The following JAK1 variants were observed in gnomAD, a reference collection of about 807,000 sequenced individuals.
JAK1 encodes tyrosine-protein kinase JAK1.
Under a neutral mutation model 136.6 loss-of-function variants are expected in JAK1, and 16 were observed. That is an observed-to-expected ratio of 0.12 (90% CI 0.08 to 0.18). JAK1 has a LOEUF of 0.18. Among genes scored for constraint, JAK1 ranks in the 10% least tolerant of loss-of-function variants. The probability of loss-of-function intolerance (pLI) is 1.00; values close to 1 mark genes in which losing one functional copy is unlikely to be tolerated. For synonymous variants in JAK1, 492 were observed against 519.5 expected, an observed-to-expected ratio of 0.95 and a Z score of 0.72; for missense variants, 859 against 1,450.1, an observed-to-expected ratio of 0.59 and a Z score of 6.62.
intron 2 of JAK1, chr1:64,973,177 GAAAGAAAGAA>G (rs1223084876): frequency 1.6e-5 from 2 of 127,706 alleles, no homozygotes; most frequent in East Asian, 2.2e-4. Context: ...GAAAAAGAAA[GAAAGAAAGAA>G]AAAGAAAGAA....
chr1:65,017,239 C>T (rs1646898657), intron 2 of JAK1, among the ~76,000 whole-genome samples: 1 of 152,104 alleles, frequency 6.6e-6, no homozygotes, highest in South Asian at 2.1e-4. Flanking sequence ...GCCTCCGAGG[C>T]AGGTGAACCA....
intron 2 of JAK1, among the ~76,000 whole-genome samples, chr1:64,983,894 G>C (rs1363571366): frequency 2.0e-5 from 3 of 152,176 alleles, no homozygotes; most frequent in Non-Finnish European, 2.9e-5. Context: ...AAACTTAAGA[G>C]TTTCCACCTG....
intron 2 of JAK1, among the ~76,000 whole-genome samples, chr1:65,031,685 T>C (rs1647025024): frequency 6.6e-6 from 1 of 152,094 alleles, no homozygotes; most frequent in Non-Finnish European, 1.5e-5. Flanking sequence ...AGAATGTCCT[T>C]TTTTTCAGCA....
At chr1:64,958,280 C>T (rs1646226524) in intron 1 of JAK1, among the ~76,000 whole-genome samples, 1 of 152,202 alleles carries the variant, frequency 6.6e-6, no homozygotes, top group Non-Finnish European at 1.5e-5. Context: ...TGACTTCTTC[C>T]TACTTCCAAC....
rs1251583391 is a variant in JAK1 at position 64,995,322 on chromosome 1, G to A, written c.-78+49158C>T. Among the ~76,000 whole-genome samples the A allele has an allele frequency of 6.6e-5, 10 of 152,048 alleles. No homozygotes were observed. The South Asian group carries it at 1.0e-3, about 16-fold the overall frequency. ...CCATCGAGAGATGAGAGTTGAATGC[G>A]ATCTATAATCTATCTTGCTTAATGT... On this transcript the variant is annotated intron_variant, in intron 2 of 25. Coordinates refer to the JAK1 transcript ENST00000671954.
intron 2 of JAK1, among the ~76,000 whole-genome samples, chr1:65,005,363 A>G (rs1569864262): frequency 6.6e-6 from 1 of 151,832 alleles, no homozygotes; most frequent in East Asian, 1.9e-4. Context: ...AAAAAAGTGA[A>G]TTTTCTGTGG....
At chr1:64,890,733 T>C (rs1267524102) in intron 1 of JAK1, among the ~76,000 whole-genome samples, 1 of 152,240 alleles carries the variant, frequency 6.6e-6, no homozygotes, top group African/African-American at 2.4e-5. Context: ...ATAGTCTTTA[T>C]GGCACAGGAC....
intron 1 of JAK1, among the ~76,000 whole-genome samples, chr1:65,049,239 A>G (rs1368584280): frequency 1.3e-5 from 2 of 152,232 alleles, no homozygotes; most frequent in African/African-American, 2.4e-5. Flanking sequence ...CTGAGCAACA[A>G]AGAGAGATCC....
intron 1 of JAK1, among the ~76,000 whole-genome samples, chr1:65,065,213 T>G (rs1647987133): frequency 6.6e-6 from 1 of 152,078 alleles, no homozygotes; most frequent in African/African-American, 2.4e-5. Flanking sequence ...GACTGTTGGT[T>G]TTTATAGGAG....
chr1:64,879,296 G>C, intron 3 of JAK1, 148 bp from the exon 4 acceptor site: 1 of 872,400 alleles, frequency 1.1e-6, no homozygotes, highest in Non-Finnish European at 1.7e-6. Context: ...ACAGACTTCC[G>C]ACCAGGTTCG....
chr1:64,845,761 G>C (rs35276907), intron 14 of JAK1, 121 bp from the exon 15 acceptor site: 1 of 1,220,822 alleles, frequency 8.2e-7, no homozygotes, highest in Non-Finnish European at 1.2e-6. Flanking sequence ...AGATATCCTT[G>C]GGGGGTGCAA....
At chr1:64,869,003 G>A (rs1280491660) in intron 6 of JAK1, among the ~76,000 whole-genome samples, 1 of 152,152 alleles carries the variant, frequency 6.6e-6, no homozygotes, top group Non-Finnish European at 1.5e-5. Flanking sequence ...AAAATGCAGT[G>A]ATAGACGACA....
At chr1:65,038,999 G>A (rs1647103935) in intron 2 of JAK1, among the ~76,000 whole-genome samples, 1 of 151,122 alleles carries the variant, frequency 6.6e-6, no homozygotes, top group African/African-American at 2.4e-5. Flanking sequence ...ATCTCGCTAT[G>A]CTGCCTAGGT....
intron 2 of JAK1, among the ~76,000 whole-genome samples, chr1:65,009,967 G>A (rs1646834878): frequency 6.6e-6 from 1 of 152,164 alleles, no homozygotes; most frequent in African/African-American, 2.4e-5. Context: ...TTAGTGTACT[G>A]CAATGGATTA....
In JAK1 at chr1:64,886,346, A is replaced by T; in HGVS notation, c.-77-5T>A. On this transcript the variant is annotated splice_region_variant and splice_polypyrimidine_tract_variant and intron_variant, in intron 1 of 24. Transcript: ENST00000342505. ...CAAAGCTACTTCAGAGAAGCGCTAA[A>T]GACAAAAATAAATAAATAAATCAGT... The T allele has an allele frequency of 6.7e-7, 1 of 1,494,462 alleles. No individual in the cohort carries two copies. Among genetic ancestry groups the T allele is most frequent in the Non-Finnish European group, 8.9e-7 (1 of 1,120,454 alleles). The allele number at this position is 1,494,462 out of a possible 1,614,324, so 92.6% of individuals were successfully genotyped here.
In JAK1 at chr1:65,055,184, G is replaced by A. The variant is rs535047704; in HGVS notation, c.-180-10602C>T. On this transcript the variant is annotated intron_variant, in intron 1 of 25. Transcript: ENST00000671954. ...ATTCCCCCCTCTCCCCCAGCTCCTG[G>A]CAACCATCAGTTCCTGGCTGTATGA... 2.0e-5 allele frequency among the ~76,000 whole-genome samples: 3 copies of A among 151,974 alleles called. No homozygotes were observed. In the South Asian group the frequency reaches 6.3e-4, roughly 32 times the overall value.
chr1:64,879,088 T>C lies in JAK1; in HGVS notation c.266A>G (p.Tyr89Cys), dbSNP rs774563390. Residue 89 changes from tyrosine to cysteine, a missense_variant, in exon 4 of 25, where the codon TAT becomes TGT. Tyr to Cys is a radical substitution (Grantham distance 194, BLOSUM62 -2). This residue lies in a region of JAK1 where 353 missense variants were observed against 494.0 expected (regional missense o/e 0.71). Coordinates refer to ENST00000342505, the MANE Select transcript of JAK1 (RefSeq NM_002227.4). ...AACGGTGATGGTGCGATTTGGAGCATACCAGAGCTTGGTGTTCTCGTCATA... is the reference window on the plus strand; with the variant it reads ...AACGGTGATGGTGCGATTTGGAGCACACCAGAGCTTGGTGTTCTCGTCATA... ...ALYDENTKLWYAPNRTITVDD... is the reference protein window; with the variant it reads ...ALYDENTKLWCAPNRTITVDD... The C allele has an allele frequency of 6.2e-7, 1 of 1,613,940 alleles. No individual in the cohort carries two copies. Among genetic ancestry groups the C allele is most frequent in the East Asian group, 2.2e-5 (1 of 44,862 alleles).
intron 1 of JAK1, among the ~76,000 whole-genome samples, chr1:64,961,054 CT>C (rs1281158182): frequency 3.3e-5 from 5 of 152,214 alleles, no homozygotes; most frequent in African/African-American, 4.8e-5. Flanking sequence ...AAAATTAACA[CT>C]GCTTGCCTCT....
At chr1:64,905,435 T>A (rs1645175050) in intron 1 of JAK1, among the ~76,000 whole-genome samples, 1 of 152,218 alleles carries the variant, frequency 6.6e-6, no homozygotes, top group Non-Finnish European at 1.5e-5. Flanking sequence ...GTGTTAAATT[T>A]TTTTAGTATG....
Sources: gnomAD v4.1 joint callset for allele counts (sites outside exome capture counted in the v4.1 genomes callset) on GRCh38, gnomAD v4.1.1 for gene constraint, gnomAD v4.1.1 regional missense constraint, MANE v1.5 for transcripts, NCBI Gene and HGNC (gene_info 2026-07-23, HGNC 2026-07-21) for gene names.